The following ADCK1 variants were observed in gnomAD, a reference collection of about 807,000 sequenced individuals.
ADCK1 encodes aarF domain-containing protein kinase 1.
Under a neutral mutation model 52.3 loss-of-function variants are expected in ADCK1, and 41 were observed. The ratio of observed to expected loss-of-function variants is 0.78; its 90% confidence interval spans 0.61 to 1.02. The LOEUF is 1.02. Among genes scored for constraint, ADCK1 ranks in the 50% least tolerant of loss-of-function variants. ADCK1 has a pLI of 0.00. For missense variants in ADCK1, 658 were observed against 679.5 expected, an observed-to-expected ratio of 0.97 and a Z score of 0.35; for synonymous variants, 250 against 274.6, an observed-to-expected ratio of 0.91 and a Z score of 0.89.
intron 3 of ADCK1, among the ~76,000 whole-genome samples, chr14:77,825,434 A>G (rs910654443): frequency 6.6e-6 from 1 of 152,152 alleles, no homozygotes; most frequent in Non-Finnish European, 1.5e-5. Flanking sequence ...TATGCCACTT[A>G]CTCAGGATTA....
intron 4 of ADCK1, among the ~76,000 whole-genome samples, chr14:77,868,244 A>G (rs2140158940): frequency 6.6e-6 from 1 of 152,326 alleles, no homozygotes; most frequent in Non-Finnish European, 1.5e-5. Context: ...CACTTGCTTA[A>G]TGACACAACT....
intron 6 of ADCK1, 52 bp downstream of exon 6, chr14:77,899,310 C>T (rs766184545): frequency 2.2e-5 from 35 of 1,599,592 alleles, no homozygotes; most frequent in Middle Eastern, 1.7e-4. Context: ...AAGAGTGTAG[C>T]GGTATGTGGG....
intron 3 of ADCK1, among the ~76,000 whole-genome samples, chr14:77,847,896 C>T (rs2082203976): frequency 1.3e-5 from 2 of 152,166 alleles, no homozygotes; most frequent in South Asian, 2.1e-4. Context: ...TGGAACAGTT[C>T]CCGGGAGCCC....
In ADCK1 at chr14:77,923,735, T is replaced by C. The variant is rs1437295116; in HGVS notation, c.859-722T>C. The C allele has an allele frequency of 6.6e-6, 1 of 152,208 alleles. No homozygotes were observed. Among genetic ancestry groups the C allele is most frequent in the Non-Finnish European group, 1.5e-5 (1 of 68,044 alleles). 9.4% of individuals were successfully genotyped at this position (152,208 alleles called of 1,614,324 possible). A position where few individuals can be genotyped will look rare whatever the true frequency, so the allele number is the denominator to read the frequency against. On this transcript the variant is annotated intron_variant, in intron 7 of 10. Transcript: ENST00000238561. This position sits in a 1 kb window ranked among gnomAD's most constrained non-coding sequence, Gnocchi z 4.3. ...CCTTAGCGGGGAAGAGGCTTTTAGC[T>C]TTAATAAAAAAGGGACTAGAGATAA...
At position 77,923,468 on chromosome 14, in the gene ADCK1, G is replaced by C. The variant is rs1167818257; in HGVS notation, c.859-989G>C. 1 of 152,258 alleles carries C rather than the reference G, an allele frequency of 6.6e-6. No individual in the cohort carries two copies. Among genetic ancestry groups the C allele is most frequent in the Non-Finnish European group, 1.5e-5 (1 of 68,102 alleles). The allele number at this position is 152,258 out of a possible 1,614,324, so 9.4% of individuals were successfully genotyped here. On this transcript the variant is annotated intron_variant, in intron 7 of 10. Transcript: ENST00000238561. The surrounding 1 kb of genome is among the most constrained non-coding windows in gnomAD (Gnocchi z 4.3). ...GGTCAGGTAGGACTTTGTAGGCTGG[G>C]GGAAAGAGGAGAATTTTTAAGATCC...
At chr14:77,852,161 G>C (rs1011601490) in intron 3 of ADCK1, among the ~76,000 whole-genome samples, 1 of 151,992 alleles carries the variant, frequency 6.6e-6, no homozygotes, top group Non-Finnish European at 1.5e-5. Flanking sequence ...ACCACGCCTG[G>C]CTAATTTTTA....
intron 5 of ADCK1, among the ~76,000 whole-genome samples, chr14:77,893,967 A>T (rs1371100664): frequency 6.6e-6 from 1 of 152,108 alleles, no homozygotes; most frequent in Non-Finnish European, 1.5e-5. Flanking sequence ...CCCTGACCTC[A>T]GGTGATCTGT....
intron 2 of ADCK1, among the ~76,000 whole-genome samples, chr14:77,820,639 CGTGTGTGT>C (rs10549011): frequency 6.0e-4 from 89 of 148,842 alleles, no homozygotes; most frequent in African/African-American, 1.3e-3. Flanking sequence ...GCCAATTTTA[CGTGTGTGT>C]GTGTGTGTGT....
At chr14:77,808,707 C>T (rs1408331596) in intron 1 of ADCK1, among the ~76,000 whole-genome samples, 2 of 152,188 alleles carry the variant, frequency 1.3e-5, no homozygotes, top group Non-Finnish European at 2.9e-5. Context: ...TCCCGAGTAG[C>T]TGGGATTACA....
intron 7 of ADCK1, chr14:77,924,146 G>A (rs866256269): frequency 1.2e-5 from 3 of 259,256 alleles, no homozygotes; most frequent in Middle Eastern, 1.2e-3. Context: ...GGGACAAGTC[G>A]GGGGGCGGGT....
At chr14:77,805,253 T>C (rs1419165553) in intron 1 of ADCK1, among the ~76,000 whole-genome samples, 1 of 43,744 alleles carries the variant, frequency 2.3e-5, no homozygotes, top group South Asian at 7.1e-4. Flanking sequence ...CTTTGCATTC[T>C]TTTTTTTTTT....
At chr14:77,895,498 T>G (rs995047982) in intron 5 of ADCK1, among the ~76,000 whole-genome samples, 1 of 152,208 alleles carries the variant, frequency 6.6e-6, no homozygotes, top group Non-Finnish European at 1.5e-5. Flanking sequence ...CATTGGCTGT[T>G]AGAAGAATTT....
rs1478732980 is a variant in ADCK1 at position 77,934,250 on chromosome 14, C to T, written c.*859C>T. On this transcript the variant is annotated 3_prime_UTR_variant, in exon 11 of 11. Coordinates refer to ENST00000238561, the MANE Select transcript of ADCK1 (RefSeq NM_020421.4). ...TCCTTCCAACCTGTGGGGCCACTTC[C>T]ACTATGGGGCCACTTCCTGCTTCTT... 1 of 151,962 alleles carries T rather than the reference C, an allele frequency of 6.6e-6. No individual in the cohort carries two copies. The highest frequency in any genetic ancestry group is 1.5e-5 in the Non-Finnish European group (1 of 68,064). The allele number at this position is 151,962 out of a possible 1,614,324, so 9.4% of individuals were successfully genotyped here.
intron 6 of ADCK1, among the ~76,000 whole-genome samples, chr14:77,907,511 C>G (rs2083693384): frequency 6.6e-6 from 1 of 152,212 alleles, no homozygotes; most frequent in Non-Finnish European, 1.5e-5. Flanking sequence ...ATTTTCCTCC[C>G]AAGTCCCAAC....
intron 3 of ADCK1, among the ~76,000 whole-genome samples, chr14:77,856,110 T>A (rs1324820840): frequency 6.6e-6 from 1 of 152,090 alleles, no homozygotes; most frequent in Non-Finnish European, 1.5e-5. Context: ...CTCAGGAGGC[T>A]GAGGCAGGAG....
intron 3 of ADCK1, among the ~76,000 whole-genome samples, chr14:77,842,419 T>C (rs1049965817): frequency 6.7e-6 from 1 of 149,256 alleles, no homozygotes; most frequent in Non-Finnish European, 1.5e-5. Context: ...AGTGAGGCCT[T>C]CTTCCCTGTA....
At chr14:77,897,125 C>T (rs1239842385) in intron 5 of ADCK1, among the ~76,000 whole-genome samples, 2 of 152,216 alleles carry the variant, frequency 1.3e-5, no homozygotes, top group African/African-American at 4.8e-5. Flanking sequence ...TTGGTACCAA[C>T]AGGCCCACAG....
At chr14:77,836,742 T>C (rs2081966997) in intron 3 of ADCK1, among the ~76,000 whole-genome samples, 1 of 150,856 alleles carries the variant, frequency 6.6e-6, no homozygotes, top group African/African-American at 2.4e-5. Context: ...AATCTAAGCC[T>C]CTATCTCCTC....
chr14:77,813,759 G>A (rs531898664), intron 1 of ADCK1, among the ~76,000 whole-genome samples: 1 of 151,060 alleles, frequency 6.6e-6, no homozygotes, highest in East Asian at 1.9e-4. Flanking sequence ...GCCTCTCTTT[G>A]TTTTCCTGTT....
Sources: gnomAD v4.1 joint callset for allele counts (sites outside exome capture counted in the v4.1 genomes callset) on GRCh38, gnomAD v4.1.1 for gene constraint, Gnocchi (gnomAD v3.1) non-coding constraint, MANE v1.5 for transcripts, NCBI Gene and HGNC (gene_info 2026-07-23, HGNC 2026-07-21) for gene names.